TMEM79: variants seen among roughly 807,000 people sequenced by gnomAD.
TMEM79 encodes mattrin.
Under a neutral mutation model 31.2 loss-of-function variants are expected in TMEM79, and 30 were observed. The observed-to-expected ratio is 0.96, with a 90% confidence interval of 0.72 to 1.30. The LOEUF (loss-of-function observed/expected upper bound fraction) is 1.30. TMEM79 is among the 50% of genes most tolerant of loss of function. TMEM79 has a pLI of 0.00. For missense variants in TMEM79, 509 were observed against 528.2 expected, an observed-to-expected ratio of 0.96 and a Z score of 0.36; for synonymous variants, 213 against 229.5, an observed-to-expected ratio of 0.93 and a Z score of 0.65.
chr1:156,286,454 G>A lies in TMEM79; in HGVS notation c.952G>A (p.Gly318Ser). Residue 318 changes from glycine (G) to serine (S), a missense_variant, in exon 3 of 4, where the codon GGT (glycine) becomes AGT (serine). Physicochemically the swap from Gly to Ser is moderately conservative, Grantham distance 56. Transcript: ENST00000405535. ...CCTCAAACTGCTCCCTCTGCTCACTGGTCTCTTTGCCGTCTCCCGGTAAGT... is the reference window on the plus strand; with the variant it reads ...CCTCAAACTGCTCCCTCTGCTCACTAGTCTCTTTGCCGTCTCCCGGTAAGT... The part of the protein sequence containing the change: ...DTLKLLPLLT[G>S]LFAVSRLIYW... 6.2e-7 allele frequency: 1 copy of A among 1,614,134 alleles called. No homozygotes were observed. The highest frequency in any genetic ancestry group is 8.5e-7 in the Non-Finnish European group (1 of 1,180,008).
chr1:156,284,008 A>T (rs1663074251), upstream of TMEM79, among the ~76,000 whole-genome samples: 1 of 152,244 alleles, frequency 6.6e-6, no homozygotes, highest in Non-Finnish European at 1.5e-5. Context: ...GTAAGTATTT[A>T]CTGAATGAAT....
Position 156,292,003 on chromosome 1 carries a change from G to A in TMEM79, c.*405G>A. ...GGCAGGAGGCAGAGCCACAGCCAAG[G>A]CCCTGACCACTTCTGTGCCAGTTGT... is the stretch of plus-strand genomic sequence containing the variant. On this transcript the variant is annotated 3_prime_UTR_variant, in exon 4 of 4. Transcript: ENST00000405535. The A allele has an allele frequency of 2.3e-6, 1 of 432,544 alleles. No homozygotes were observed. Among genetic ancestry groups the A allele is most frequent in the African/African-American group, 1.9e-5 (1 of 51,416 alleles). 26.8% of individuals were successfully genotyped at this position (432,544 alleles called of 1,614,324 possible).
upstream of TMEM79, chr1:156,284,185 G>C (rs1043948866): frequency 2.0e-5 from 3 of 152,232 alleles, no homozygotes; most frequent in African/African-American, 7.2e-5. Flanking sequence ...CTTTCAGAAA[G>C]GATGACATCC....
At chr1:156,289,722 A>G (rs530384210) in intron 3 of TMEM79, among the ~76,000 whole-genome samples, 12 of 152,344 alleles carry the variant, frequency 7.9e-5, no homozygotes, top group Non-Finnish European at 1.5e-4. Context: ...TTTCACAGGT[A>G]AAAAAGAATA....
At chr1:156,287,606 C>CTTTTT (rs745468403) in intron 3 of TMEM79, among the ~76,000 whole-genome samples, 5 of 72,652 alleles carry the variant, frequency 6.9e-5, no homozygotes, top group Admixed American at 2.1e-4. Flanking sequence ...TTACTCTCCA[C>CTTTTT]TTTTTTTTTT....
At position 156,285,440 on chromosome 1, in the gene TMEM79, G is replaced by A. The variant is rs1663121123; in HGVS notation, c.214G>A (p.Glu72Lys). Residue 72 changes from glutamate to lysine, a missense_variant, in exon 2 of 4, where the codon GAG becomes AAG. Coordinates refer to ENST00000405535, the MANE Select transcript of TMEM79 (RefSeq NM_032323.3). ...GGATGGTCTAGACAGCACAGTAAGT[G>A]AGGCTGCCACCTTGCCCTGGGGGAC... ...AEDGLDSTVS[E>K]AATLPWGTGP... 1 of 1,613,684 alleles carries A rather than the reference G, an allele frequency of 6.2e-7. No individual in the cohort carries two copies. Among genetic ancestry groups the A allele is most frequent in the Non-Finnish European group, 8.5e-7 (1 of 1,179,808 alleles).
chr1:156,289,155 T>C (rs1663246389), intron 3 of TMEM79, among the ~76,000 whole-genome samples: 1 of 152,204 alleles, frequency 6.6e-6, no homozygotes, highest in South Asian at 2.1e-4. Flanking sequence ...TTAAATGAGT[T>C]AATTCATGTA....
chr1:156,285,785 G>C lies in TMEM79; in HGVS notation c.559G>C (p.Gly187Arg), dbSNP rs750962203. Residue 187 changes from glycine (G) to arginine (R), a missense_variant, in exon 2 of 4, where the codon GGG becomes CGG. Transcript: ENST00000405535. ...AVVRPPGCSC[G>R]GCGSCGDREW... ...GGTGAGGCCGCCTGGCTGTTCCTGT[G>C]GGGGCTGCGGGAGCTGTGGAGACCG... 4.3e-5 allele frequency: 69 copies of C among 1,613,466 alleles called. No homozygotes were observed. In the Admixed American group the frequency reaches 1.1e-3, roughly 27 times the overall value.
intron 1 of TMEM79, among the ~76,000 whole-genome samples, chr1:156,284,941 C>A (rs917832936): frequency 6.6e-6 from 1 of 152,118 alleles, no homozygotes; most frequent in Non-Finnish European, 1.5e-5. Context: ...GGCCTGTGTC[C>A]CTTGACTCAC....
In TMEM79 at chr1:156,292,376, AGTGTGT is replaced by A. The variant is rs9331871; in HGVS notation, c.*819_*824del. Reference sequence around the variant, plus strand: ...ATGGTGCGGTGGTTGATGTTAACCTAGTGTGTGTGTGTGTGTGTGTGTGTGTGTGTG... The same window carrying A: ...ATGGTGCGGTGGTTGATGTTAACCTAGTGTGTGTGTGTGTGTGTGTGTGTG... On this transcript the variant is annotated 3_prime_UTR_variant, in exon 4 of 4. Coordinates refer to ENST00000405535, the MANE Select transcript of TMEM79 (RefSeq NM_032323.3). The A allele has an allele frequency of 0.074, 10,547 of 142,262 alleles. 432 individuals carry two copies. The highest frequency in any genetic ancestry group is 0.11 in the African/African-American group (4,127 of 37,760). 8.8% of individuals were successfully genotyped at this position (142,262 alleles called of 1,614,324 possible). A position where few individuals can be genotyped will look rare whatever the true frequency, so the allele number is the denominator to read the frequency against.
intron 3 of TMEM79, 130 bp downstream of exon 3, chr1:156,286,603 G>A: frequency 1.1e-6 from 1 of 886,588 alleles, no homozygotes; most frequent in Non-Finnish European, 1.7e-6. Flanking sequence ...GCCCTGGGGA[G>A]ATAAGTCCAC....
At chr1:156,287,696 A>C (rs1169277415) in intron 3 of TMEM79, among the ~76,000 whole-genome samples, 2 of 149,310 alleles carry the variant, frequency 1.3e-5, no homozygotes, top group Admixed American at 6.7e-5. Flanking sequence ...AGCTCACTAC[A>C]ATCTCCACCT....
In TMEM79 at chr1:156,291,716, T is replaced by A; in HGVS notation, c.*118T>A. On this transcript the variant is annotated 3_prime_UTR_variant, in exon 4 of 4. Transcript: ENST00000405535. Reference sequence around the variant, plus strand: ...CCTAGGACCGCGGTGGGTGGAACCCTGCTACTGCCCCAACAGGGACTCCAA... The same window carrying A: ...CCTAGGACCGCGGTGGGTGGAACCCAGCTACTGCCCCAACAGGGACTCCAA... The A allele has an allele frequency of 1.2e-6, 1 of 854,828 alleles. No homozygotes were observed. Among genetic ancestry groups the A allele is most frequent in the Non-Finnish European group, 1.9e-6 (1 of 530,344 alleles). 53.0% of individuals were successfully genotyped at this position (854,828 alleles called of 1,614,324 possible).
intron 3 of TMEM79, among the ~76,000 whole-genome samples, chr1:156,287,739 C>A (rs2101590329): frequency 6.6e-6 from 1 of 151,892 alleles, no homozygotes; most frequent in Non-Finnish European, 1.5e-5. Flanking sequence ...GCCTCAGCCT[C>A]CCGCGTAGCT....
rs750888907 is a variant in TMEM79, at chr1:156,291,548, C to A, written c.1135C>A (p.Pro379Thr). The A allele has an allele frequency of 6.2e-7, 1 of 1,610,510 alleles. No individual in the cohort carries two copies. Among genetic ancestry groups the A allele is most frequent in the Non-Finnish European group, 8.5e-7 (1 of 1,180,004 alleles). The change falls in exon 4 of 4, where the codon CCG becomes ACG. Residue 379 changes from proline to threonine, a missense_variant. Transcript: ENST00000405535. ...LTATESRLDY[P>T]DHARSASDYR... ...TGCCACCGAGAGCCGCCTGGACTAC[C>A]CGGACCACGCCCGCTCGGCCTCCGA...
chr1:156,288,042 G>A (rs1165322216), intron 3 of TMEM79, among the ~76,000 whole-genome samples: 4 of 151,654 alleles, frequency 2.6e-5, no homozygotes, highest in East Asian at 2.0e-4. Flanking sequence ...GTGAAACCCC[G>A]TCTCTATTAA....
chr1:156,289,085 A>G (rs1663245199), intron 3 of TMEM79, among the ~76,000 whole-genome samples: 1 of 152,212 alleles, frequency 6.6e-6, no homozygotes, highest in Admixed American at 6.5e-5. Flanking sequence ...ACCATGGACA[A>G]GTTCATTAAG....
rs749937632 is a variant in TMEM79 at position 156,287,496 on chromosome 1, CCTT to C, written c.971+1026_971+1028del. ...TGGGGGGCCTGGTTGAGGGTACTGT[CCTT>C]CTCTTCCTGTTTGTCAATGAGGGGA... is the stretch of plus-strand genomic sequence containing the variant. On this transcript the variant is annotated intron_variant, in intron 3 of 3. Transcript: ENST00000405535. 4.6e-5 allele frequency among the ~76,000 whole-genome samples: 7 copies of C among 151,990 alleles called. No individual in the cohort carries two copies. In the East Asian group the frequency reaches 1.4e-3, roughly 29 times the overall value.
intron 3 of TMEM79, among the ~76,000 whole-genome samples, chr1:156,289,270 C>T (rs997637723): frequency 2.0e-5 from 3 of 152,134 alleles, no homozygotes; most frequent in African/African-American, 7.2e-5. Context: ...GTCAGGAGAT[C>T]GAGACCATCC....
Sources: gnomAD v4.1 joint callset for allele counts (sites outside exome capture counted in the v4.1 genomes callset) on GRCh38, gnomAD v4.1.1 for gene constraint, MANE v1.5 for transcripts, NCBI Gene and HGNC (gene_info 2026-07-23, HGNC 2026-07-21) for gene names.